FAT3: variants seen among roughly 807,000 people sequenced by gnomAD.
FAT3 encodes the protein FAT atypical cadherin 3, also known as protocadherin Fat 3.
In FAT3, 95 loss-of-function variants were observed where a neutral mutation model predicts 310.2. The observed-to-expected ratio is 0.31, with a 90% CI of 0.26 to 0.36. The LOEUF is 0.36. Among genes scored for constraint, FAT3 ranks in the 10% least tolerant of loss-of-function variants. FAT3 has a pLI of 1.00. For missense variants in FAT3, 5,408 were observed against 5,715.6 expected, an observed-to-expected ratio of 0.95 and a Z score of 1.74; for synonymous variants, 2,314 against 2,192.9, an observed-to-expected ratio of 1.06 and a Z score of -1.54.
chr11:92,674,221 A>AATAAT (rs765892438), intron 3 of FAT3, among the ~76,000 whole-genome samples: 4 of 134,306 alleles, frequency 3.0e-5, no homozygotes, highest in Non-Finnish European at 6.5e-5. Context: ...ATAATAATAA[A>AATAAT]GAGACACTTG....
chr11:92,237,616 G>A (rs559942461), intron 1 of FAT3, among the ~76,000 whole-genome samples: 1 of 152,164 alleles, frequency 6.6e-6, no homozygotes, highest in African/African-American at 2.4e-5. Flanking sequence ...CAAACGAGAA[G>A]GCTTTATAGC....
At chr11:92,568,720 G>C (rs607236) in intron 3 of FAT3, among the ~76,000 whole-genome samples, 59,329 of 151,810 alleles carry the variant, frequency 0.39, 12,313 homozygotes, top group Middle Eastern at 0.53. Context: ...TCCTTTTTCA[G>C]ATTTGTACAT....
At chr11:92,687,817 G>A (rs1475156187) in intron 3 of FAT3, among the ~76,000 whole-genome samples, 1 of 152,098 alleles carries the variant, frequency 6.6e-6, no homozygotes, top group African/African-American at 2.4e-5. Flanking sequence ...GAATGCAGAA[G>A]TGAAATTGTA....
intron 1 of FAT3, among the ~76,000 whole-genome samples, chr11:92,254,586 G>A (rs1392848851): frequency 6.6e-6 from 1 of 152,090 alleles, no homozygotes; most frequent in Non-Finnish European, 1.5e-5. Flanking sequence ...AATTTTTGAT[G>A]TTAGGCTAGG....
At chr11:92,466,301 A>T (rs1426382058) in intron 2 of FAT3, among the ~76,000 whole-genome samples, 1 of 152,180 alleles carries the variant, frequency 6.6e-6, no homozygotes, top group Non-Finnish European at 1.5e-5. Flanking sequence ...GTATGGGATG[A>T]TTATTACTAT....
rs556061015 is a variant in FAT3 at position 92,323,148 on chromosome 11, A to G, written c.-17-28948A>G. ...ATGAAAACAGCATTAATCTCCTTGTATATCTCCATCAGAGCTCTTGAGTGA... is the reference window on the plus strand; with the variant it reads ...ATGAAAACAGCATTAATCTCCTTGTGTATCTCCATCAGAGCTCTTGAGTGA... On this transcript the variant is annotated intron_variant, in intron 1 of 27. Coordinates refer to ENST00000525166, the MANE Select transcript of FAT3 (RefSeq NM_001367949.2). 3.9e-5 allele frequency among the ~76,000 whole-genome samples: 6 copies of G among 152,244 alleles called. 1 individual carries two copies. The highest frequency in any genetic ancestry group is 9.6e-5 in the African/African-American group (4 of 41,548).
Position 92,748,064 on chromosome 11 carries a change from T to G in FAT3, c.3670-13792T>G, listed in dbSNP as rs139897374. 4.1e-3 allele frequency among the ~76,000 whole-genome samples: 619 copies of G among 152,348 alleles called. 12 individuals are homozygous for G. The East Asian group carries it at 0.054, about 13-fold the overall frequency. ...CACTACCTGGCATCAATTTATTGTA[T>G]TAGTCTGTTTTCATGCTGCTAATGA... On this transcript the variant is annotated intron_variant, in intron 4 of 27. Coordinates refer to ENST00000525166, the MANE Select transcript of FAT3 (RefSeq NM_001367949.2).
intron 1 of FAT3, among the ~76,000 whole-genome samples, chr11:92,268,623 T>C (rs1341794822): frequency 6.6e-6 from 1 of 152,158 alleles, no homozygotes; most frequent in Non-Finnish European, 1.5e-5. Flanking sequence ...TAACTTAATT[T>C]TAATCTCTGG....
chr11:92,638,542 G>A (rs1270020842), intron 3 of FAT3, among the ~76,000 whole-genome samples: 1 of 152,194 alleles, frequency 6.6e-6, no homozygotes, highest in African/African-American at 2.4e-5. Context: ...ATTGCTTGGA[G>A]TTGTATTTAA....
chr11:92,476,467 C>G (rs370630277), intron 2 of FAT3, among the ~76,000 whole-genome samples: 3 of 152,248 alleles, frequency 2.0e-5, no homozygotes, highest in South Asian at 2.1e-4. Context: ...TTGGTCTTAT[C>G]AGCAGACCAG....
chr11:92,708,874 T>C (rs947732381), intron 4 of FAT3, among the ~76,000 whole-genome samples: 2 of 152,222 alleles, frequency 1.3e-5, no homozygotes, highest in African/African-American at 4.8e-5. Flanking sequence ...AACATGTAAG[T>C]TGCAATAGCT....
intron 3 of FAT3, among the ~76,000 whole-genome samples, chr11:92,653,579 C>T (rs1017362533): frequency 6.6e-6 from 1 of 152,114 alleles, no homozygotes; most frequent in Non-Finnish European, 1.5e-5. Context: ...TGGGGACACC[C>T]AGAACTCCCT....
intron 3 of FAT3, among the ~76,000 whole-genome samples, chr11:92,647,266 A>G (rs1942202799): frequency 6.6e-6 from 1 of 152,230 alleles, no homozygotes; most frequent in Non-Finnish European, 1.5e-5. Context: ...AGATGAATAA[A>G]TAAAAGTTTG....
chr11:92,334,679 A>C (rs1948009198), intron 1 of FAT3, among the ~76,000 whole-genome samples: 1 of 152,154 alleles, frequency 6.6e-6, no homozygotes, highest in East Asian at 1.9e-4. Context: ...AATGCCATTC[A>C]TTCATTCATG....
intron 3 of FAT3, among the ~76,000 whole-genome samples, chr11:92,573,607 C>T (rs934695484): frequency 2.0e-5 from 3 of 151,958 alleles, no homozygotes; most frequent in African/African-American, 7.3e-5. Flanking sequence ...TGATGAGTGT[C>T]CTTATAAGGG....
At chr11:92,843,673 T>C (rs1948601675) in intron 18 of FAT3, among the ~76,000 whole-genome samples, 1 of 152,182 alleles carries the variant, frequency 6.6e-6, no homozygotes, top group East Asian at 1.9e-4. Flanking sequence ...TAGCCCTCTG[T>C]CCTCCTTCTC....
In FAT3 at chr11:92,679,988, T is replaced by C. The variant is rs190623273; in HGVS notation, c.3608-17396T>C. On this transcript the variant is annotated intron_variant, in intron 3 of 27. Transcript: ENST00000525166. ...TTTGTTGCTGTTGTTGTTTCTTGTA[T>C]ATTCTGAATATTTGTCCCTTGTTTG... Among the ~76,000 whole-genome samples, 20 of 152,212 alleles carry C rather than the reference T, an allele frequency of 1.3e-4. No individual in the cohort carries two copies. The East Asian group carries it at 3.9e-3, about 29-fold the overall frequency.
intron 3 of FAT3, among the ~76,000 whole-genome samples, chr11:92,613,956 C>T (rs749088340): frequency 6.6e-6 from 1 of 152,116 alleles, no homozygotes; most frequent in Non-Finnish European, 1.5e-5. Context: ...TGTCTCTGTA[C>T]ATTTGCCTAC....
chr11:92,618,440 A>G (rs528518679), intron 3 of FAT3, among the ~76,000 whole-genome samples: 4 of 152,218 alleles, frequency 2.6e-5, no homozygotes, highest in East Asian at 1.9e-4. Context: ...GGGTGAGGCA[A>G]TGCCCCGCCC....
Sources: allele counts gnomAD v4.1 joint callset (sites outside exome capture counted in the v4.1 genomes callset), GRCh38; gene constraint gnomAD v4.1.1; transcripts MANE v1.5; gene names NCBI Gene and HGNC (gene_info 2026-07-23, HGNC 2026-07-21).